The following RB1CC1 variants were observed in gnomAD, a reference collection of about 807,000 sequenced individuals.
RB1CC1 encodes RB1 inducible coiled-coil 1.
A neutral mutation model predicts 177.5 loss-of-function variants in RB1CC1; 46 were observed. The observed-to-expected ratio is 0.26, with a 90% CI of 0.20 to 0.33. RB1CC1 has a LOEUF of 0.33. Ranked by LOEUF, RB1CC1 falls within the 10% of genes least tolerant of loss-of-function variation. The pLI is 1.00. For missense variants in RB1CC1, 1,703 were observed against 1,816.3 expected, an observed-to-expected ratio of 0.94 and a Z score of 1.13; for synonymous variants, 666 against 613.6, an observed-to-expected ratio of 1.09 and a Z score of -1.26.
At chr8:52,650,818 G>C (rs75311131) in intron 15 of RB1CC1, among the ~76,000 whole-genome samples, 1 of 152,152 alleles carries the variant, frequency 6.6e-6, no homozygotes, top group African/African-American at 2.4e-5. Flanking sequence ...GCAAGGCTTT[G>C]AGACATGTCC....
intron 8 of RB1CC1, among the ~76,000 whole-genome samples, chr8:52,661,997 G>A (rs1456942990): frequency 6.6e-6 from 1 of 151,996 alleles, no homozygotes; most frequent in East Asian, 1.9e-4. Flanking sequence ...AATAGTCAAT[G>A]AGAATTAGAA....
intron 8 of RB1CC1, among the ~76,000 whole-genome samples, chr8:52,664,852 C>T (rs1639764973): frequency 6.6e-6 from 1 of 152,106 alleles, no homozygotes; most frequent in African/African-American, 2.4e-5. Flanking sequence ...AGGGCAATAT[C>T]AGCAATAAAT....
Position 52,628,058 on chromosome 8 carries a change from G to T in RB1CC1, c.4610C>A (p.Ala1537Asp). 6.2e-7 allele frequency: 1 copy of T among 1,602,966 alleles called. No homozygotes were observed. The highest frequency in any genetic ancestry group is 8.5e-7 in the Non-Finnish European group (1 of 1,174,494). Residue 1537 changes from alanine to aspartate, a missense_variant, in exon 22 of 24, where the codon GCC becomes GAC. By Grantham distance (126) the Ala-to-Asp change is moderately radical (BLOSUM62 -2). Coordinates refer to ENST00000025008, the MANE Select transcript of RB1CC1 (RefSeq NM_014781.5). ...ACCCTCACCTGGTTTGAGATCCAGG[G>T]CAGGTAGAGACTCTGAATGTAGAAA... ...LYFLHSESLP[A>D]LDLKPGEGAS...
intron 7 of RB1CC1, among the ~76,000 whole-genome samples, chr8:52,669,577 A>G (rs1283619236): frequency 1.3e-5 from 2 of 152,194 alleles, no homozygotes; most frequent in African/African-American, 4.8e-5. Context: ...AAAATTAACA[A>G]AACCATTATT....
chr8:52,678,275 G>C (rs1184231591), intron 5 of RB1CC1, among the ~76,000 whole-genome samples: 1 of 152,048 alleles, frequency 6.6e-6, no homozygotes, highest in Non-Finnish European at 1.5e-5. Flanking sequence ...AAATTAGCTG[G>C]GTGTGGTGGC....
At chr8:52,624,809 T>A in intron 22 of RB1CC1, 22 bp from the exon 23 acceptor site, 1 of 1,443,334 alleles carries the variant, frequency 6.9e-7, no homozygotes, top group Non-Finnish European at 9.4e-7. Flanking sequence ...AAATAGTTAA[T>A]CTCTTTTTGA....
chr8:52,706,181 TAAAG>T (rs1371278825), intron 1 of RB1CC1, among the ~76,000 whole-genome samples: 1 of 148,900 alleles, frequency 6.7e-6, no homozygotes, highest in African/African-American at 2.5e-5. Context: ...TACAAAGAAA[TAAAG>T]AACCTGAATT....
intron 7 of RB1CC1, among the ~76,000 whole-genome samples, chr8:52,669,961 A>C (rs1852411138): frequency 9.5e-6 from 1 of 105,036 alleles, no homozygotes; most frequent in East Asian, 1.5e-3. Context: ...TCCTAAAAAA[A>C]ATTTATTTTT....
chr8:52,701,851 G>A (rs916674868), intron 1 of RB1CC1, among the ~76,000 whole-genome samples: 33 of 150,902 alleles, frequency 2.2e-4, no homozygotes, highest in African/African-American at 6.1e-4. Flanking sequence ...CTGTCACCCA[G>A]GCTGGAGTGC....
chr8:52,669,257 A>G (rs1466187289), intron 7 of RB1CC1, among the ~76,000 whole-genome samples: 1 of 152,188 alleles, frequency 6.6e-6, no homozygotes, highest in Admixed American at 6.5e-5. Flanking sequence ...CATTGATCTG[A>G]TATCAGAAAA....
chr8:52,690,092 A>G (rs1854685816), intron 1 of RB1CC1, among the ~76,000 whole-genome samples: 1 of 152,258 alleles, frequency 6.6e-6, no homozygotes, highest in Non-Finnish European at 1.5e-5. Context: ...TAGAAAAGTC[A>G]TGCAGATCTG....
At chr8:52,686,160 G>C (rs1043893488) in intron 2 of RB1CC1, 4 of 152,196 alleles carry the variant, frequency 2.6e-5, no homozygotes, top group Non-Finnish European at 5.9e-5. Context: ...TACAGGTCTG[G>C]AGATCAGAAT....
intron 15 of RB1CC1, among the ~76,000 whole-genome samples, chr8:52,652,408 C>T (rs1049128212): frequency 4.0e-5 from 6 of 148,938 alleles, no homozygotes; most frequent in South Asian, 2.1e-4. Context: ...TGCAGTGAGC[C>T]GTGATTGCGC....
At chr8:52,651,596 C>T (rs1345169222) in intron 15 of RB1CC1, among the ~76,000 whole-genome samples, 1 of 152,186 alleles carries the variant, frequency 6.6e-6, no homozygotes, top group East Asian at 1.9e-4. Context: ...TTGCCTTTTT[C>T]ACCTTGTTGA....
At position 52,658,038 on chromosome 8, in the gene RB1CC1, T is replaced by G; in HGVS notation, c.1880A>C (p.Glu627Ala). The change falls in exon 14 of 24, where the codon GAA (glutamate) becomes GCA (alanine). Residue 627 changes from glutamate (E) to alanine (A), a missense_variant. Physicochemically the swap from Glu to Ala is moderately radical, Grantham distance 107 (BLOSUM62 -1). Transcript: ENST00000025008. Reference sequence around the variant, plus strand: ...TAGATCTGTAATGGTCTGTGACATTTCATCCAAACTTTGTGCTGCTTTTAC... The same window carrying G: ...TAGATCTGTAATGGTCTGTGACATTGCATCCAAACTTTGTGCTGCTTTTAC... ...NLVKAAQSLD[E>A]MSQTITDLLS... 6.2e-7 allele frequency: 1 copy of G among 1,614,148 alleles called. No individual in the cohort carries two copies.
At position 52,686,942 on chromosome 8, in the gene RB1CC1, T is replaced by C; in HGVS notation, c.-141A>G. 1 of 456,664 alleles carries C rather than the reference T, an allele frequency of 2.2e-6. No individual in the cohort carries two copies. The highest frequency in any genetic ancestry group is 1.5e-5 in the South Asian group (1 of 64,542). 28.3% of individuals were successfully genotyped at this position (456,664 alleles called of 1,614,324 possible). On this transcript the variant is annotated 5_prime_UTR_variant, in exon 2 of 24. Transcript: ENST00000025008. ...GCTTTGCTTGAGATTGGCAACTGAA[T>C]GGCATTACTGGTTAAACTCAGAAAA...
At chr8:52,687,544 ACT>A (rs905752702) in intron 1 of RB1CC1, among the ~76,000 whole-genome samples, 1 of 152,066 alleles carries the variant, frequency 6.6e-6, no homozygotes, top group African/African-American at 2.4e-5. Context: ...TTGCCAGCTG[ACT>A]CTCTCTTGCC....
chr8:52,680,802 A>T (rs1853628211), intron 5 of RB1CC1, among the ~76,000 whole-genome samples: 1 of 152,210 alleles, frequency 6.6e-6, no homozygotes, highest in South Asian at 2.1e-4. Context: ...ACACAAAAGA[A>T]CAGAAACTAC....
intron 1 of RB1CC1, among the ~76,000 whole-genome samples, chr8:52,710,132 G>A (rs891813744): frequency 2.0e-5 from 3 of 152,180 alleles, no homozygotes; most frequent in African/African-American, 7.2e-5. Flanking sequence ...GTTGCCCAGG[G>A]ACTGAAAACT....
Sources: gnomAD v4.1 joint callset for allele counts (sites outside exome capture counted in the v4.1 genomes callset) on GRCh38, gnomAD v4.1.1 for gene constraint, MANE v1.5 for transcripts, NCBI Gene and HGNC (gene_info 2026-07-23, HGNC 2026-07-21) for gene names.